The following ANKIB1 variants were observed in gnomAD, a reference collection of about 807,000 sequenced individuals.
ANKIB1 encodes the protein ankyrin repeat and IBR domain-containing protein 1.
ANKIB1 carries 43 observed loss-of-function variants against 122.1 expected under a neutral mutation model. That is an observed-to-expected ratio of 0.35 (90% CI 0.28 to 0.45). The LOEUF is 0.45. ANKIB1 is among the 20% of genes least tolerant of loss of function. ANKIB1 has a pLI of 1.00. For synonymous variants in ANKIB1, 390 were observed against 442.0 expected (o/e 0.88, Z 1.48); for missense variants, 992 against 1,329.5 (o/e 0.75, Z 3.95).
At position 92,362,289 on chromosome 7, in the gene ANKIB1, G is replaced by C. The variant is rs778576086; in HGVS notation, c.1486+16G>C. The C allele has an allele frequency of 6.4e-7, 1 of 1,566,660 alleles. No homozygotes were observed. Among genetic ancestry groups the C allele is most frequent in the Non-Finnish European group, 8.7e-7 (1 of 1,153,530 alleles). The stretch of plus-strand genomic sequence containing the variant: ...CCAGAAGAACGTAAGAGGAATTTTA[G>C]ATAGCTTTGCTGCATATTTCCTGAT... On this transcript the variant is annotated intron_variant, in intron 10 of 19. Coordinates refer to ENST00000265742, the MANE Select transcript of ANKIB1 (RefSeq NM_019004.2).
intron 3 of ANKIB1, among the ~76,000 whole-genome samples, chr7:92,316,434 C>T (rs1802795170): frequency 1.3e-5 from 2 of 152,210 alleles, no homozygotes; most frequent in Non-Finnish European, 2.9e-5. Context: ...TTCTCAATGT[C>T]AGGCATTATT....
At chr7:92,342,856 C>T (rs1046867135) in intron 5 of ANKIB1, among the ~76,000 whole-genome samples, 168 bp from the exon 6 acceptor site, 3 of 152,104 alleles carry the variant, frequency 2.0e-5, no homozygotes, top group Admixed American at 6.5e-5. Flanking sequence ...TGTGTAAAAA[C>T]GCTAATAACA....
At chr7:92,369,737 AT>A (rs1804190587) in intron 10 of ANKIB1, among the ~76,000 whole-genome samples, 1 of 152,254 alleles carries the variant, frequency 6.6e-6, no homozygotes, top group African/African-American at 2.4e-5. Context: ...TTCTAAAATG[AT>A]TTTCTGGCAT....
Position 92,322,803 on chromosome 7 carries a change from T to C in ANKIB1, c.669+3291T>C, listed in dbSNP as rs370559244. On this transcript the variant is annotated intron_variant, in intron 4 of 19. Coordinates refer to ENST00000265742, the MANE Select transcript of ANKIB1 (RefSeq NM_019004.2). ...GGCTGCAGTGAATATTTGTCTGATA[T>C]ATATCTTCTTTATCCAATTGTGCCA... is the stretch of plus-strand genomic sequence containing the variant. 3.2e-4 allele frequency among the ~76,000 whole-genome samples: 49 copies of C among 152,334 alleles called. 1 individual carries two copies. The highest frequency in any genetic ancestry group is 9.9e-4 in the African/African-American group (41 of 41,574).
Position 92,389,512 on chromosome 7 carries a change from G to A in ANKIB1, c.1907-459G>A, listed in dbSNP as rs376049557. On this transcript the variant is annotated intron_variant, in intron 14 of 19. Coordinates refer to ENST00000265742, the MANE Select transcript of ANKIB1 (RefSeq NM_019004.2). Reference sequence around the variant, plus strand: ...TTATCTAGTTGTTTGCCAGAATGTTGTATCTTTTTCCTTACGGTATTGGTT... The same window carrying A: ...TTATCTAGTTGTTTGCCAGAATGTTATATCTTTTTCCTTACGGTATTGGTT... 3.3e-5 allele frequency among the ~76,000 whole-genome samples: 5 copies of A among 152,022 alleles called. No homozygotes were observed. The East Asian group carries it at 5.8e-4, about 18-fold the overall frequency.
rs1803471677 is a variant in ANKIB1 at position 92,343,249 on chromosome 7, A to G, written c.996+17A>G. 1 of 1,597,806 alleles carries G rather than the reference A, an allele frequency of 6.3e-7. No individual in the cohort carries two copies. Among genetic ancestry groups the G allele is most frequent in the Admixed American group, 1.7e-5 (1 of 59,468 alleles). On this transcript the variant is annotated intron_variant, in intron 6 of 19. Coordinates refer to ENST00000265742, the MANE Select transcript of ANKIB1 (RefSeq NM_019004.2). ...ACCAGTTTGGTATGGTTTGGTATTC[A>G]CTGTACTTCTCATAGCTTTGTTTAT... is the stretch of plus-strand genomic sequence containing the variant.
intron 1 of ANKIB1, 112 bp from the exon 2 acceptor site, chr7:92,294,777 T>A (rs183367940): frequency 1.4e-4 from 66 of 477,428 alleles, no homozygotes; most frequent in African/African-American, 1.2e-3. Flanking sequence ...TGTAATATAG[T>A]TGGTTCCCTT....
intron 11 of ANKIB1, among the ~76,000 whole-genome samples, chr7:92,382,607 A>G (rs756054555): frequency 2.0e-5 from 3 of 152,248 alleles, no homozygotes; most frequent in African/African-American, 4.8e-5. Context: ...GCACAACTAC[A>G]TGGAAACTGA....
rs544058036 is a variant in ANKIB1, at chr7:92,254,342, A to G, written c.-91+7823A>G. On this transcript the variant is annotated intron_variant, in intron 1 of 19. Coordinates refer to ENST00000265742, the MANE Select transcript of ANKIB1 (RefSeq NM_019004.2). The stretch of plus-strand genomic sequence containing the variant: ...ACATATGGATGGTCTCTAGTATTCT[A>G]TTATGAATAATATTGTAATTAATAT... Among the ~76,000 whole-genome samples the G allele has an allele frequency of 4.6e-5, 7 of 152,348 alleles. No homozygotes were observed. The South Asian group carries it at 1.0e-3, about 23-fold the overall frequency.
chr7:92,331,935 C>T (rs1400100461), intron 5 of ANKIB1, among the ~76,000 whole-genome samples: 4 of 152,134 alleles, frequency 2.6e-5, no homozygotes, highest in African/African-American at 9.7e-5. Context: ...TATAATTTCA[C>T]CATAATTAAA....
chr7:92,282,319 A>AT (rs537087510), intron 1 of ANKIB1, among the ~76,000 whole-genome samples: 11 of 151,712 alleles, frequency 7.3e-5, no homozygotes, highest in Middle Eastern at 3.4e-3. Context: ...ATGCTTGGCT[A>AT]TTTTTTTGTA....
chr7:92,327,872 T>C lies in ANKIB1; in HGVS notation c.759T>C (p.Phe253=). ...CAGACATGCTTCAGGCTCCTCTCTT[T>C]ACTGCTGAAGCTTTACTTCGAGCTC... ...ETADMLQAPL[F]TAEALLRAHD... The change falls in exon 5 of 20, where the codon TTT becomes TTC. Residue 253 remains phenylalanine (F), a synonymous_variant. Transcript: ENST00000265742. 2 of 1,592,406 alleles carry C rather than the reference T, an allele frequency of 1.3e-6. No homozygotes were observed. Among genetic ancestry groups the C allele is most frequent in the Non-Finnish European group, 8.5e-7 (1 of 1,173,264 alleles).
At chr7:92,325,627 C>T (rs1467348854) in intron 4 of ANKIB1, among the ~76,000 whole-genome samples, 2 of 150,610 alleles carry the variant, frequency 1.3e-5, no homozygotes, top group Non-Finnish European at 2.9e-5. Flanking sequence ...AAATAAGTGC[C>T]TATTCTTTTT....
At position 92,398,517 on chromosome 7, in the gene ANKIB1, A is replaced by C. The variant is rs1272004528; in HGVS notation, c.2838A>C (p.Arg946Ser). The change falls in exon 20 of 20, where the codon AGA (arginine) becomes AGC (serine). Residue 946 changes from arginine (R) to serine (S), a missense_variant. Coordinates refer to ENST00000265742, the MANE Select transcript of ANKIB1 (RefSeq NM_019004.2). The part of the protein sequence containing the change: ...TLSSHPLSEA[R>S]SDFCPSSSDP... ...GCTCACACCCTCTCAGTGAGGCAAG[A>C]AGTGATTTCTGTCCCTCATCTAGTG... 1 of 1,613,942 alleles carries C rather than the reference A, an allele frequency of 6.2e-7. No homozygotes were observed. The highest frequency in any genetic ancestry group is 2.2e-5 in the East Asian group (1 of 44,876).
chr7:92,383,050 A>C (rs537378366), intron 11 of ANKIB1, among the ~76,000 whole-genome samples: 8 of 152,344 alleles, frequency 5.3e-5, no homozygotes, highest in African/African-American at 1.7e-4. Flanking sequence ...AAAAAATGAT[A>C]AAGGGGATAT....
chr7:92,366,899 C>T (rs1293512248), intron 10 of ANKIB1, among the ~76,000 whole-genome samples: 1 of 152,090 alleles, frequency 6.6e-6, no homozygotes, highest in Non-Finnish European at 1.5e-5. Context: ...TTAGTTATCC[C>T]TTACCATATT....
At chr7:92,384,993 A>G (rs1562799330) in intron 11 of ANKIB1, among the ~76,000 whole-genome samples, 1 of 152,236 alleles carries the variant, frequency 6.6e-6, no homozygotes, top group Non-Finnish European at 1.5e-5. Context: ...CCATCTGACA[A>G]GGGGCTAGTA....
At chr7:92,353,736 T>A (rs1184469140) in intron 9 of ANKIB1, among the ~76,000 whole-genome samples, 3 of 152,240 alleles carry the variant, frequency 2.0e-5, no homozygotes, top group African/African-American at 7.2e-5. Flanking sequence ...CTATACTTAT[T>A]ATTAAACATA....
intron 5 of ANKIB1, among the ~76,000 whole-genome samples, chr7:92,330,159 C>T (rs1203170535): frequency 2.0e-5 from 3 of 152,126 alleles, no homozygotes; most frequent in African/African-American, 7.2e-5. Context: ...TCAGTTGGGA[C>T]CCATATAATG....
Sources: allele counts gnomAD v4.1 joint callset (sites outside exome capture counted in the v4.1 genomes callset), GRCh38; gene constraint gnomAD v4.1.1; transcripts MANE v1.5; gene names NCBI Gene and HGNC (gene_info 2026-07-23, HGNC 2026-07-21).